UTP20: variants seen among roughly 807,000 people sequenced by gnomAD.
The protein encoded by UTP20 is small subunit processome component 20 homolog.
UTP20 carries 164 observed loss-of-function variants against 329.5 expected under a neutral mutation model. That is an observed-to-expected ratio of 0.50 (90% CI 0.44 to 0.57). The LOEUF (loss-of-function observed/expected upper bound fraction) is 0.57. Among genes scored for constraint, UTP20 ranks in the 20% least tolerant of loss-of-function variants. The probability of loss-of-function intolerance (pLI) is 0.00; values close to 1 mark genes in which losing one functional copy is unlikely to be tolerated. For synonymous variants in UTP20, 1,151 were observed against 1,159.3 expected (o/e 0.99, Z 0.14); for missense variants, 3,055 against 3,284.2 (o/e 0.93, Z 1.71).
Position 101,344,648 on chromosome 12 carries a change from C to G in UTP20, c.4503C>G (p.Ile1501Met), listed in dbSNP as rs778022967. The part of the protein sequence containing the change: ...DNASMCLMSI[I>M]KKLAALNVTE... The stretch of plus-strand genomic sequence containing the variant: ...CCAGCATGTGCCTGATGAGTATCAT[C>G]AAAAAGCTAGCTGCCTTGAATGTCA... The change falls in exon 36 of 62, where the codon ATC becomes ATG. Residue 1501 changes from isoleucine (I) to methionine (M), a missense_variant. Ile to Met is a conservative substitution (Grantham distance 10, BLOSUM62 1). Transcript: ENST00000261637. The G allele has an allele frequency of 1.3e-5, 19 of 1,488,726 alleles. No individual in the cohort carries two copies. The highest frequency in any genetic ancestry group is 1.6e-5 in the Non-Finnish European group (17 of 1,065,582). The allele number at this position is 1,488,726 out of a possible 1,614,324, so 92.2% of individuals were successfully genotyped here. A position where few individuals can be genotyped will look rare whatever the true frequency, so the allele number is the denominator to read the frequency against.
chr12:101,373,359 TTTAGAAGA>T lies in UTP20; in HGVS notation c.6879-40_6879-33del, dbSNP rs1387550681. On this transcript the variant is annotated intron_variant, in intron 52 of 61. Transcript: ENST00000261637. ...CATTTTTTAAATAATTATTTGTAAA[TTTAGAAGA>T]TACTAACAAATCCACCTAATGTCCT... The T allele has an allele frequency of 1.9e-6, 3 of 1,538,810 alleles. No homozygotes were observed. The South Asian group carries it at 3.4e-5, about 18-fold the overall frequency.
intron 27 of UTP20, among the ~76,000 whole-genome samples, chr12:101,331,833 AC>A (rs1475517366): frequency 6.6e-6 from 1 of 152,028 alleles, no homozygotes; most frequent in African/African-American, 2.4e-5. Flanking sequence ...TCTAGAGCCC[AC>A]AGTTTACTAA....
chr12:101,378,430 A>C (rs1870542632), intron 56 of UTP20, among the ~76,000 whole-genome samples: 1 of 152,008 alleles, frequency 6.6e-6, no homozygotes, highest in Non-Finnish European at 1.5e-5. Context: ...CACTTTAGAA[A>C]ATGTAACTGT....
intron 21 of UTP20, among the ~76,000 whole-genome samples, chr12:101,314,858 T>C: frequency 6.6e-6 from 1 of 152,054 alleles, no homozygotes; most frequent in East Asian, 1.9e-4. Flanking sequence ...CCCAGCACTT[T>C]GAGAGGCCTA....
chr12:101,327,258 G>C lies in UTP20; in HGVS notation c.3208+11G>C. 2 of 1,582,638 alleles carry C rather than the reference G, an allele frequency of 1.3e-6. No individual in the cohort carries two copies. Among genetic ancestry groups the C allele is most frequent in the Non-Finnish European group, 1.7e-6 (2 of 1,156,244 alleles). On this transcript the variant is annotated intron_variant, in intron 26 of 61. Coordinates refer to ENST00000261637, the MANE Select transcript of UTP20 (RefSeq NM_014503.3). The stretch of plus-strand genomic sequence containing the variant: ...GGCATTTCAAGAATGGTAACTATCA[G>C]CTACCTCTCACTCTAATACCTGTTG...
rs774827541 is a variant in UTP20, at chr12:101,338,328, G to A, written c.3868+51G>A. On this transcript the variant is annotated intron_variant, in intron 30 of 61. Coordinates refer to ENST00000261637, the MANE Select transcript of UTP20 (RefSeq NM_014503.3). Reference sequence around the variant, plus strand: ...TTCTTAGACTTCTGCTGTAGCAATTGTTTCCTTAGAAGAGAAAAAAAATCA... The same window carrying A: ...TTCTTAGACTTCTGCTGTAGCAATTATTTCCTTAGAAGAGAAAAAAAATCA... 6 of 1,581,586 alleles carry A rather than the reference G, an allele frequency of 3.8e-6. No homozygotes were observed. The Admixed American group carries it at 5.0e-5, about 13-fold the overall frequency.
At chr12:101,363,767 G>A in intron 45 of UTP20, 24 bp downstream of exon 45, 1 of 1,473,826 alleles carries the variant, frequency 6.8e-7, no homozygotes, top group South Asian at 1.1e-5. Context: ...TGCAATTCTG[G>A]AGATCACAGC....
At chr12:101,351,526 CTT>C (rs753646442) in intron 38 of UTP20, among the ~76,000 whole-genome samples, 326 of 117,820 alleles carry the variant, frequency 2.8e-3, no homozygotes, top group East Asian at 0.01. Flanking sequence ...AGGCAGTGTA[CTT>C]TTTTTTTTTT....
At position 101,327,229 on chromosome 12, in the gene UTP20, G is replaced by A; in HGVS notation, c.3190G>A (p.Val1064Met). ...ATTCTTAGACCTGCTGTTTGAACCT[G>A]TGAGGCATTTCAAGAATGGTAACTA... ...QIFLDLLFEP[V>M]RHFKNGECHS... is the part of the protein sequence containing the mutation. The change falls in exon 26 of 62, where the codon GTG becomes ATG. Residue 1064 changes from valine (V) to methionine (M), a missense_variant. Physicochemically the swap from Val to Met is conservative, Grantham distance 21 (BLOSUM62 1). This residue lies in a region of UTP20 where 2,445 missense variants were observed against 2,575.5 expected (regional missense o/e 0.95). Coordinates refer to ENST00000261637, the MANE Select transcript of UTP20 (RefSeq NM_014503.3). The A allele has an allele frequency of 6.3e-7, 1 of 1,594,892 alleles. No homozygotes were observed. Among genetic ancestry groups the A allele is most frequent in the Non-Finnish European group, 8.6e-7 (1 of 1,165,060 alleles).
intron 31 of UTP20, 134 bp downstream of exon 31, chr12:101,339,091 T>A: frequency 8.4e-6 from 7 of 836,324 alleles, no homozygotes; most frequent in Non-Finnish European, 1.2e-5. Context: ...GGTGGGTGGA[T>A]CACCTGAGGT....
chr12:101,380,942 G>A (rs920967015), intron 57 of UTP20, among the ~76,000 whole-genome samples, 198 bp from the exon 58 acceptor site: 20 of 151,996 alleles, frequency 1.3e-4, no homozygotes, highest in Middle Eastern at 6.9e-3. Flanking sequence ...CATTTATTTG[G>A]GATGAAATGC....
intron 22 of UTP20, among the ~76,000 whole-genome samples, chr12:101,319,232 C>A (rs1873071440): frequency 6.6e-6 from 1 of 152,272 alleles, no homozygotes; most frequent in African/African-American, 2.4e-5. Context: ...TTCCAAAAAT[C>A]ATCTGAGTTT....
intron 25 of UTP20, among the ~76,000 whole-genome samples, chr12:101,324,144 T>TA (rs1167221382): frequency 7.7e-6 from 1 of 130,198 alleles, no homozygotes; most frequent in East Asian, 2.4e-4. Context: ...CTCAAAAAAA[T>TA]AAAAAAATAA....
At position 101,285,789 on chromosome 12, in the gene UTP20, C is replaced by G. The variant is rs542537526; in HGVS notation, c.234C>G (p.Phe78Leu). The G allele has an allele frequency of 6.2e-7, 1 of 1,613,728 alleles. No homozygotes were observed. Among genetic ancestry groups the G allele is most frequent in the South Asian group, 1.1e-5 (1 of 91,046 alleles). ...YKEVIDKCQS[F>L]NQLVYHQNEI... is the part of the protein sequence containing the mutation. ...AAGTTATTGACAAATGCCAATCATT[C>G]AATCAGTTGGTGTATCACCAAAACG... Residue 78 changes from phenylalanine to leucine, a missense_variant, in exon 4 of 62, where the codon TTC (phenylalanine) becomes TTG (leucine). Transcript: ENST00000261637.
chr12:101,292,002 C>T lies in UTP20; in HGVS notation c.1071C>T (p.Leu357=), dbSNP rs1872174038. The T allele has an allele frequency of 6.2e-7, 1 of 1,613,922 alleles. No individual in the cohort carries two copies. The highest frequency in any genetic ancestry group is 1.3e-5 in the African/African-American group (1 of 74,938). The change falls in exon 10 of 62, where the codon CTC becomes CTT. Residue 357 remains leucine, a synonymous_variant. Transcript: ENST00000261637. The part of the protein sequence containing the change: ...VLSQTLQVAS[L]STSCWETLLD... ...CTCAAACACTGCAAGTAGCCAGTCT[C>T]TCCACATCTTGCTGGGAGACCCTCT...
chr12:101,295,788 G>A (rs2137238727), intron 12 of UTP20, 130 bp downstream of exon 12: 1 of 1,050,538 alleles, frequency 9.5e-7, no homozygotes, highest in Non-Finnish European at 1.3e-6. Context: ...TGTGAAAAAA[G>A]CAAGTTGTAG....
intron 5 of UTP20, among the ~76,000 whole-genome samples, chr12:101,287,425 C>A (rs1871996448): frequency 1.3e-5 from 2 of 151,994 alleles, no homozygotes; most frequent in Admixed American, 1.3e-4. Flanking sequence ...AAAGCTGCCA[C>A]TTTTATGTCT....
rs199510499 is a variant in UTP20 at position 101,310,573 on chromosome 12, C to A, written c.2231+734C>A. ...CTGGGCAACAAGAGTGAAACTCTGTCTCCCAAAAAAAAAAAAAAAAAAAAA... is the reference window on the plus strand; with the variant it reads ...CTGGGCAACAAGAGTGAAACTCTGTATCCCAAAAAAAAAAAAAAAAAAAAA... On this transcript the variant is annotated intron_variant, in intron 19 of 61. Coordinates refer to ENST00000261637, the MANE Select transcript of UTP20 (RefSeq NM_014503.3). Among the ~76,000 whole-genome samples the A allele has an allele frequency of 1.2e-3, 40 of 32,228 alleles. No individual in the cohort carries two copies. In the Admixed American group the frequency reaches 0.018, roughly 14 times the overall value. 21.1% of individuals were successfully genotyped at this position (32,228 alleles called of 152,430 possible). A position where few individuals can be genotyped will look rare whatever the true frequency, so the allele number is the denominator to read the frequency against.
chr12:101,306,342 T>G (rs1162753244), intron 16 of UTP20, among the ~76,000 whole-genome samples: 1 of 152,118 alleles, frequency 6.6e-6, no homozygotes, highest in Non-Finnish European at 1.5e-5. Context: ...TTTTAAGTCT[T>G]CTAGGTGGTT....
Sources: gnomAD v4.1 joint callset for allele counts (sites outside exome capture counted in the v4.1 genomes callset) on GRCh38, gnomAD v4.1.1 for gene constraint, gnomAD v4.1.1 regional missense constraint, MANE v1.5 for transcripts, NCBI Gene and HGNC (gene_info 2026-07-23, HGNC 2026-07-21) for gene names.